Variants in CREBBP observed in about 807,000 individuals in gnomAD.
CREBBP encodes the protein CREB-binding protein.
In CREBBP, 19 loss-of-function variants were observed where a neutral mutation model predicts 265.0. That is an observed-to-expected ratio of 0.07 (90% CI 0.05 to 0.11). The LOEUF (loss-of-function observed/expected upper bound fraction) is 0.11, where lower values mean the gene tolerates loss of function less well. Among genes scored for constraint, CREBBP ranks in the 10% least tolerant of loss-of-function variants. The probability of loss-of-function intolerance (pLI) is 1.00; values close to 1 mark genes in which losing one functional copy is unlikely to be tolerated. For synonymous variants in CREBBP, 1,457 were observed against 1,223.7 expected (o/e 1.19, Z -3.98); for missense variants, 2,525 against 3,219.0 (o/e 0.78, Z 5.22).
chr16:3,762,836 G>A (rs960332265), intron 16 of CREBBP, among the ~76,000 whole-genome samples: 7 of 150,754 alleles, frequency 4.6e-5, no homozygotes, highest in Admixed American at 2.0e-4. Context: ...GTGCAGTGGC[G>A]CGATCTCGGC....
At chr16:3,762,241 G>C (rs766670948) in intron 16 of CREBBP, among the ~76,000 whole-genome samples, 1 of 152,144 alleles carries the variant, frequency 6.6e-6, no homozygotes, top group African/African-American at 2.4e-5. Flanking sequence ...TGCAGACCCT[G>C]TCACCGCCCC....
chr16:3,843,585 T>C (rs186006623), intron 2 of CREBBP, among the ~76,000 whole-genome samples: 13 of 152,000 alleles, frequency 8.6e-5, no homozygotes, highest in African/African-American at 2.9e-4. Context: ...CATGACCAGC[T>C]AATTCTTAAA....
At chr16:3,736,597 T>C (rs2151328860) in intron 27 of CREBBP, 53 bp downstream of exon 27, 11 of 1,611,580 alleles carry the variant, frequency 6.8e-6, no homozygotes, top group South Asian at 1.1e-5. Flanking sequence ...GGCACACAAA[T>C]ATCCTCCCCT....
chr16:3,765,527 G>A (rs920940884), intron 16 of CREBBP, among the ~76,000 whole-genome samples: 1 of 152,150 alleles, frequency 6.6e-6, no homozygotes, highest in Non-Finnish European at 1.5e-5. Flanking sequence ...TGAACAAAGA[G>A]GGCCAGTTAC....
rs181368062 is a variant in CREBBP at position 3,878,157 on chromosome 16, C to T, written c.85+1675G>A. Among the ~76,000 whole-genome samples, 244 of 152,338 alleles carry T rather than the reference C, an allele frequency of 1.6e-3. 1 individual carries two copies. Among genetic ancestry groups the T allele is most frequent in the Non-Finnish European group, 2.6e-3 (180 of 68,032 alleles). ...AACAACAGCAAAGCTACAAAGCCAT[C>T]CAGGTTACCAGTTTCAGAAGACAAG... On this transcript the variant is annotated intron_variant, in intron 1 of 30. Coordinates refer to ENST00000262367, the MANE Select transcript of CREBBP (RefSeq NM_004380.3).
intron 30 of CREBBP, among the ~76,000 whole-genome samples, chr16:3,730,134 T>C (rs2051874477): frequency 6.6e-6 from 1 of 152,142 alleles, no homozygotes; most frequent in Non-Finnish European, 1.5e-5. Flanking sequence ...TGCCTATGTG[T>C]TGCTCCCAAG....
chr16:3,779,696 T>C (rs1332483875), intron 8 of CREBBP, among the ~76,000 whole-genome samples: 1 of 152,194 alleles, frequency 6.6e-6, no homozygotes, highest in East Asian at 1.9e-4. Context: ...ATTTCCAGAA[T>C]AACACGATTT....
intron 1 of CREBBP, among the ~76,000 whole-genome samples, chr16:3,868,257 G>T (rs2055219888): frequency 6.6e-6 from 1 of 151,966 alleles, no homozygotes; most frequent in Non-Finnish European, 1.5e-5. Context: ...CTACTCACAA[G>T]AACTTAAAAA....
rs151037319 is a variant in CREBBP at position 3,809,240 on chromosome 16, C to T, written c.975+1363G>A. On this transcript the variant is annotated intron_variant, in intron 3 of 30. Transcript: ENST00000262367. ...CCACCCAGGCTAGAGTGCAGTGGCG[C>T]GATCTCCGCTCACTGCAACCTCCAC... 2.0e-3 allele frequency among the ~76,000 whole-genome samples: 306 copies of T among 151,788 alleles called. 1 individual carries two copies. The highest frequency in any genetic ancestry group is 0.01 in the Middle Eastern group (3 of 294).
intron 16 of CREBBP, chr16:3,767,175 C>T (rs1295318236): frequency 6.2e-6 from 1 of 160,106 alleles, no homozygotes; most frequent in African/African-American, 2.4e-5. Flanking sequence ...ATCTCAGACC[C>T]CAAAGATGCC....
intron 23 of CREBBP, chr16:3,741,208 C>G (rs1288101387): frequency 6.0e-6 from 1 of 165,466 alleles, no homozygotes; most frequent in African/African-American, 2.4e-5. Context: ...CAGGAGCTAG[C>G]CAGAGGCAGG....
intron 28 of CREBBP, among the ~76,000 whole-genome samples, chr16:3,732,186 C>A (rs1221580061): frequency 1.3e-5 from 2 of 152,184 alleles, no homozygotes; most frequent in African/African-American, 4.8e-5. Flanking sequence ...GGAAAAGAGA[C>A]CCAGAGTGCG....
At chr16:3,756,323 G>A (rs752415661) in intron 19 of CREBBP, among the ~76,000 whole-genome samples, 1 of 152,202 alleles carries the variant, frequency 6.6e-6, no homozygotes, top group African/African-American at 2.4e-5. Flanking sequence ...GTGCCTCCAC[G>A]CATGGTGCGC....
At chr16:3,860,629 T>C (rs2055053507) in intron 1 of CREBBP, among the ~76,000 whole-genome samples, 2 of 152,220 alleles carry the variant, frequency 1.3e-5, no homozygotes, top group African/African-American at 2.4e-5. Context: ...TCATGTTGTA[T>C]ATGATAAATA....
intron 3 of CREBBP, among the ~76,000 whole-genome samples, chr16:3,801,828 A>C (rs2053719743): frequency 6.6e-6 from 1 of 152,194 alleles, no homozygotes; most frequent in South Asian, 2.1e-4. Context: ...GGATCATTTC[A>C]CATGCAATTT....
At chr16:3,870,345 C>G (rs909849776) in intron 1 of CREBBP, among the ~76,000 whole-genome samples, 3 of 152,214 alleles carry the variant, frequency 2.0e-5, no homozygotes, top group African/African-American at 7.2e-5. Flanking sequence ...CCTGACTAAA[C>G]TGGACAGTGA....
chr16:3,873,721 C>T (rs1225652198), intron 1 of CREBBP, among the ~76,000 whole-genome samples: 1 of 152,104 alleles, frequency 6.6e-6, no homozygotes, highest in Non-Finnish European at 1.5e-5. Flanking sequence ...TGTAACTTGC[C>T]CCAAACATGC....
chr16:3,731,794 G>A lies in CREBBP; in HGVS notation c.4872C>T (p.Thr1624=), dbSNP rs1206103808. The A allele has an allele frequency of 6.2e-7, 1 of 1,614,258 alleles. No homozygotes were observed. The highest frequency in any genetic ancestry group is 8.5e-7 in the Non-Finnish European group (1 of 1,180,056). The change falls in exon 29 of 31, where the codon ACC becomes ACT. Residue 1624 remains threonine (T), a synonymous_variant. Transcript: ENST00000262367. The surrounding 1 kb of genome is among the most constrained non-coding windows in gnomAD (Gnocchi z 7.7). The part of the protein sequence containing the change: ...SNDLSQKLYA[T]MEKHKEVFFV... ...CGCCTACCTCCTTGTGCTTCTCCAT[G>A]GTGGCATACAGCTTCTGGGACAGGT...
intron 1 of CREBBP, among the ~76,000 whole-genome samples, chr16:3,863,510 G>A (rs181599856): frequency 6.2e-4 from 94 of 152,226 alleles, no homozygotes; most frequent in Non-Finnish European, 7.4e-4. Context: ...GGGTGACACC[G>A]GAGAATTGCT....
Sources: allele counts gnomAD v4.1 joint callset (sites outside exome capture counted in the v4.1 genomes callset), GRCh38; gene constraint gnomAD v4.1.1; non-coding constraint Gnocchi (gnomAD v3.1); transcripts MANE v1.5; gene names NCBI Gene and HGNC (gene_info 2026-07-23, HGNC 2026-07-21).